The following KIF1A variants were observed in gnomAD, a reference collection of about 807,000 sequenced individuals.
KIF1A encodes kinesin family member 1A.
A neutral mutation model predicts 227.3 loss-of-function variants in KIF1A; 46 were observed. The observed-to-expected ratio is 0.20, with a 90% CI of 0.16 to 0.26. The LOEUF is 0.26. Ranked by LOEUF, KIF1A falls within the 10% of genes least tolerant of loss-of-function variation. The pLI, the probability that KIF1A is intolerant of heterozygous loss-of-function variation, is 1.00. For synonymous variants in KIF1A, 1,022 were observed against 1,012.8 expected, an observed-to-expected ratio of 1.01 and a Z score of -0.17; for missense variants, 1,683 against 2,485.9, an observed-to-expected ratio of 0.68 and a Z score of 6.87.
intron 1 of KIF1A, among the ~76,000 whole-genome samples, chr2:240,809,743 G>A (rs1351084280): frequency 2.0e-5 from 3 of 147,066 alleles, no homozygotes; most frequent in Admixed American, 6.8e-5. Flanking sequence ...ATCTTGGCTC[G>A]CTGCAACCTC....
In KIF1A at chr2:240,730,067, C is replaced by T. The variant is rs910780215; in HGVS notation, c.4008-3127G>A. On this transcript the variant is annotated intron_variant, in intron 38 of 48. Coordinates refer to ENST00000498729, the MANE Select transcript of KIF1A (RefSeq NM_001244008.2). ...TCACGGGCAGCAGACCTTGGAATCT[C>T]GGGCCAGGAGGGTCCCTGGCAACAC... 3.3e-5 allele frequency among the ~76,000 whole-genome samples: 5 copies of T among 152,342 alleles called. No individual in the cohort carries two copies. In the South Asian group the frequency reaches 6.2e-4, roughly 19 times the overall value.
intron 17 of KIF1A, 83 bp from the exon 18 acceptor site, chr2:240,767,428 G>A: frequency 8.8e-7 from 1 of 1,141,548 alleles, no homozygotes; most frequent in Admixed American, 1.9e-5. Flanking sequence ...CCTCTCTCCA[G>A]GCACCAGACT....
At position 240,725,200 on chromosome 2, in the gene KIF1A, G is replaced by T. The variant is rs950860315; in HGVS notation, c.4256+71C>A. 1 of 1,517,968 alleles carries T rather than the reference G, an allele frequency of 6.6e-7. No individual in the cohort carries two copies. The highest frequency in any genetic ancestry group is 2.1e-5 in the Admixed American group (1 of 46,860). 94.0% of individuals were successfully genotyped at this position (1,517,968 alleles called of 1,614,324 possible). Reference sequence around the variant, plus strand: ...CCGGGTGGCCCAAGGACCGCTGCCAGGCAGAGCCCTGCCTGGCCCGCACCG... The same window carrying T: ...CCGGGTGGCCCAAGGACCGCTGCCATGCAGAGCCCTGCCTGGCCCGCACCG... On this transcript the variant is annotated intron_variant, in intron 40 of 48. Coordinates refer to ENST00000498729, the MANE Select transcript of KIF1A (RefSeq NM_001244008.2). This position sits in a 1 kb window ranked among gnomAD's most constrained non-coding sequence, Gnocchi z 5.8.
chr2:240,737,996 T>G (rs1466696163), intron 37 of KIF1A, among the ~76,000 whole-genome samples: 2 of 152,172 alleles, frequency 1.3e-5, no homozygotes, highest in African/African-American at 4.8e-5. Context: ...TTTGCAGCAC[T>G]TAGGTCCTGG....
rs925571909 is a variant in KIF1A, at chr2:240,720,754, C to T, written c.4868+160G>A. 26 of 787,826 alleles carry T rather than the reference C, an allele frequency of 3.3e-5. No individual in the cohort carries two copies. The Admixed American group carries it at 4.0e-4, about 12-fold the overall frequency. 48.8% of individuals were successfully genotyped at this position (787,826 alleles called of 1,614,324 possible). A position where few individuals can be genotyped will look rare whatever the true frequency, so the allele number is the denominator to read the frequency against. ...GCACAGGCACCCTCTGAGAGGGCTG[C>T]GGACTCCACTCCTCCAGGCCCTTCC... On this transcript the variant is annotated intron_variant, in intron 45 of 48. Transcript: ENST00000498729.
Position 240,718,113 on chromosome 2 carries a change from G to A in KIF1A, c.5270C>T (p.Ala1757Val), listed in dbSNP as rs1188467783. 1 of 1,611,668 alleles carries A rather than the reference G, an allele frequency of 6.2e-7. No homozygotes were observed. The highest frequency in any genetic ancestry group is 1.7e-4 in the Middle Eastern group (1 of 6,060). ...TEHRGILLQA[A>V]SDKDMHDWLY... ...CCAGTCATGCATGTCCTTGTCGCTG[G>A]CGGCCTGCAGCAGGATGCCGCGGTG... The change falls in exon 48 of 49, where the codon GCC (alanine) becomes GTC (valine). Residue 1757 changes from alanine (A) to valine (V), a missense_variant. Ala to Val is a moderately conservative substitution (Grantham distance 64). This residue lies in a region of KIF1A where 384 missense variants were observed against 410.1 expected (regional missense o/e 0.94). Transcript: ENST00000498729.
At position 240,763,342 on chromosome 2, in the gene KIF1A, G is replaced by C; in HGVS notation, c.1773C>G (p.Asn591Lys). ...VTEPSILRSG[N>K]RIIMGKSHVF... ...CATGGCTCTTACCCATGATGATGCG[G>C]TTTCCTGGGGAACAGAGGGACAGGT... Residue 591 changes from asparagine (N) to lysine (K), a missense_variant, in exon 21 of 49, where the codon AAC becomes AAG. Asn to Lys is a moderately conservative substitution (Grantham distance 94). Coordinates refer to ENST00000498729, the MANE Select transcript of KIF1A (RefSeq NM_001244008.2). The C allele has an allele frequency of 6.4e-7, 1 of 1,573,356 alleles. No homozygotes were observed. Among genetic ancestry groups the C allele is most frequent in the East Asian group, 2.4e-5 (1 of 42,498 alleles).
chr2:240,815,983 G>A (rs2058286624), intron 1 of KIF1A, among the ~76,000 whole-genome samples: 1 of 152,124 alleles, frequency 6.6e-6, no homozygotes, highest in Non-Finnish European at 1.5e-5. Flanking sequence ...CCCCACCCCT[G>A]GAAACCTATG....
Position 240,719,782 on chromosome 2 carries a change from G to T in KIF1A, c.5013C>A (p.Ile1671=), listed in dbSNP as rs767301813. ...QRLLVPDIQE[I]RVSPIVSKKG... is the part of the protein sequence containing the mutation. ...AGGGAGGCCCCACACACCTGACTCGGATCTCCTGGATGTCAGGGACCAGCA... is the reference window on the plus strand; with the variant it reads ...AGGGAGGCCCCACACACCTGACTCGTATCTCCTGGATGTCAGGGACCAGCA... Residue 1671 remains isoleucine (I), a synonymous_variant, in exon 46 of 49, where the codon ATC becomes ATA. Transcript: ENST00000498729. 6.3e-7 allele frequency: 1 copy of T among 1,586,910 alleles called. No individual in the cohort carries two copies. The highest frequency in any genetic ancestry group is 1.1e-5 in the South Asian group (1 of 87,022).
Position 240,792,281 on chromosome 2 carries a change from G to A in KIF1A, c.107-2969C>T, listed in dbSNP as rs2055813481. Among the ~76,000 whole-genome samples, 1 of 152,086 alleles carries A rather than the reference G, an allele frequency of 6.6e-6. No homozygotes were observed. The highest frequency in any genetic ancestry group is 1.5e-5 in the Non-Finnish European group (1 of 68,004). ...AAAGGGCTTTTTTTGCCAGGGTCTGGAATTTTTTCCTTGTGCAGGTTTGAG... is the reference window on the plus strand; with the variant it reads ...AAAGGGCTTTTTTTGCCAGGGTCTGAAATTTTTTCCTTGTGCAGGTTTGAG... On this transcript the variant is annotated intron_variant, in intron 2 of 48. Coordinates refer to ENST00000498729, the MANE Select transcript of KIF1A (RefSeq NM_001244008.2). This position sits in a 1 kb window ranked among gnomAD's most constrained non-coding sequence, Gnocchi z 4.5.
At chr2:240,717,641 C>T (rs2044715424) in intron 48 of KIF1A, among the ~76,000 whole-genome samples, 1 of 152,242 alleles carries the variant, frequency 6.6e-6, no homozygotes, top group Non-Finnish European at 1.5e-5. Context: ...GGGACCAGCT[C>T]CTTCCGCAGC....
rs2048525433 is a variant in KIF1A, at chr2:240,745,788, C to T, written c.3324G>A (p.Leu1108=). 2 of 1,612,808 alleles carry T rather than the reference C, an allele frequency of 1.2e-6. No homozygotes were observed. Among genetic ancestry groups the T allele is most frequent in the Non-Finnish European group, 8.5e-7 (1 of 1,179,672 alleles). Residue 1108 remains leucine, a synonymous_variant, in exon 31 of 49, where the codon CTG becomes CTA. Coordinates refer to ENST00000498729, the MANE Select transcript of KIF1A (RefSeq NM_001244008.2). Reference sequence around the variant, plus strand: ...ATTCGGCAGAGATGCTGGACGCCTGCAGGACTGTCACACGGAAGGTGAAGG... The same window carrying T: ...ATTCGGCAGAGATGCTGGACGCCTGTAGGACTGTCACACGGAAGGTGAAGG... ...GNTFTFRVTV[L]QASSISAEYA...
At chr2:240,738,111 C>T (rs923988158) in intron 37 of KIF1A, among the ~76,000 whole-genome samples, 2 of 152,350 alleles carry the variant, frequency 1.3e-5, no homozygotes, top group East Asian at 1.9e-4. Context: ...CTGCAGAGAT[C>T]GCTGCCTGGG....
rs114018170 is a variant in KIF1A at position 240,789,606 on chromosome 2, G to A, written c.107-294C>T. ...TGGCTCCCCTCAAAGGCAGCCACCC[G>A]GGGAGGATCCTTCCCACCTGCAAGC... is the stretch of plus-strand genomic sequence containing the variant. On this transcript the variant is annotated intron_variant, in intron 2 of 48. Transcript: ENST00000498729. This position sits in a 1 kb window ranked among gnomAD's most constrained non-coding sequence, Gnocchi z 4.8. Among the ~76,000 whole-genome samples, 15 of 152,118 alleles carry A rather than the reference G, an allele frequency of 9.9e-5. No homozygotes were observed. Among genetic ancestry groups the A allele is most frequent in the Non-Finnish European group, 4.4e-5 (3 of 68,000 alleles).
chr2:240,769,994 G>A (rs2051735526), intron 15 of KIF1A, among the ~76,000 whole-genome samples: 1 of 152,156 alleles, frequency 6.6e-6, no homozygotes, highest in African/African-American at 2.4e-5. Context: ...AGCCATCCTC[G>A]CTGCTGCCAA....
chr2:240,732,011 A>G (rs2046705556), intron 38 of KIF1A, among the ~76,000 whole-genome samples: 1 of 87,688 alleles, frequency 1.1e-5, no homozygotes, highest in African/African-American at 4.4e-5. Context: ...GGATGACGGG[A>G]GGAGGGAATG....
At position 240,750,432 on chromosome 2, in the gene KIF1A, A is replaced by G; in HGVS notation, c.2974T>C (p.Ser992Pro). Residue 992 changes from serine to proline, a missense_variant, in exon 28 of 49, where the codon TCA (serine) becomes CCA (proline). Physicochemically the swap from Ser to Pro is moderately conservative, Grantham distance 74. Coordinates refer to ENST00000498729, the MANE Select transcript of KIF1A (RefSeq NM_001244008.2). Reference sequence around the variant, plus strand: ...ACGGCCTTTGGCCCACACGCACCTGAGATGGCCTGGACGGCCACGCGGAGG... The same window carrying G: ...ACGGCCTTTGGCCCACACGCACCTGGGATGGCCTGGACGGCCACGCGGAGG... ...GFLRVAVQAI[S>P]ADEEAPDYGS... is the part of the protein sequence containing the mutation. 6.2e-7 allele frequency: 1 copy of G among 1,610,898 alleles called. No homozygotes were observed. Among genetic ancestry groups the G allele is most frequent in the Non-Finnish European group, 8.5e-7 (1 of 1,177,234 alleles).
chr2:240,725,471 T>C lies in KIF1A; in HGVS notation c.4123-67A>G. On this transcript the variant is annotated intron_variant, in intron 39 of 48. Transcript: ENST00000498729. The surrounding 1 kb of genome is among the most constrained non-coding windows in gnomAD (Gnocchi z 5.8). The stretch of plus-strand genomic sequence containing the variant: ...GAGTGCCCAGGTGCCCTTCCAGCCT[T>C]CTCCTGGGGGCACAATGCCCAGCAC... 1 of 1,560,752 alleles carries C rather than the reference T, an allele frequency of 6.4e-7. No individual in the cohort carries two copies. The highest frequency in any genetic ancestry group is 1.4e-5 in the African/African-American group (1 of 73,930).
chr2:240,720,332 GCATGGGCCCCCCA>G (rs982569728), intron 45 of KIF1A: 11 of 165,102 alleles, frequency 6.7e-5, no homozygotes, highest in Non-Finnish European at 1.4e-4. Context: ...ATGGCCTCCC[GCATGGGCCCCCCA>G]CATGGGCCAG....
Sources: gnomAD v4.1 joint callset for allele counts (sites outside exome capture counted in the v4.1 genomes callset) on GRCh38, gnomAD v4.1.1 for gene constraint, gnomAD v4.1.1 regional missense constraint, Gnocchi (gnomAD v3.1) non-coding constraint, MANE v1.5 for transcripts, NCBI Gene and HGNC (gene_info 2026-07-23, HGNC 2026-07-21) for gene names.